Variants in TBC1D5 observed in about 807,000 individuals in gnomAD.
TBC1D5 encodes the protein TBC1 domain family, member 5.
TBC1D5 carries 75 observed loss-of-function variants against 100.3 expected under a neutral mutation model. The observed-to-expected ratio is 0.75, with a 90% CI of 0.62 to 0.91. TBC1D5 has a LOEUF of 0.91. Ranked by LOEUF, TBC1D5 falls within the 40% of genes least tolerant of loss-of-function variation. The pLI is 0.00. For missense variants in TBC1D5, 910 were observed against 942.4 expected (o/e 0.97, Z 0.45); for synonymous variants, 323 against 325.6 (o/e 0.99, Z 0.09).
At chr3:17,178,231 A>G (rs1256849961) in intron 19 of TBC1D5, among the ~76,000 whole-genome samples, 1 of 151,746 alleles carries the variant, frequency 6.6e-6, no homozygotes, top group Non-Finnish European at 1.5e-5. Context: ...ACGCCTGGCT[A>G]ATTTTTTGTA....
intron 1 of TBC1D5, among the ~76,000 whole-genome samples, chr3:17,642,359 T>C (rs966245887): frequency 5.3e-5 from 8 of 152,138 alleles, no homozygotes; most frequent in Non-Finnish European, 1.0e-4. Context: ...ATGTGATCTT[T>C]ACAAACCATA....
chr3:17,728,430 CA>C (rs2076293928), intron 1 of TBC1D5, among the ~76,000 whole-genome samples: 1 of 151,358 alleles, frequency 6.6e-6, no homozygotes, highest in African/African-American at 2.4e-5. Context: ...TGAGACCAAC[CA>C]AAAAAAATTC....
At chr3:17,540,466 G>A (rs1031294126) in intron 2 of TBC1D5, among the ~76,000 whole-genome samples, 2 of 152,048 alleles carry the variant, frequency 1.3e-5, no homozygotes, top group South Asian at 4.1e-4. Flanking sequence ...TTACATTTAT[G>A]TCTTTGGTCC....
At chr3:17,726,774 C>G (rs1255025857) in intron 1 of TBC1D5, among the ~76,000 whole-genome samples, 1 of 152,144 alleles carries the variant, frequency 6.6e-6, no homozygotes, top group African/African-American at 2.4e-5. Context: ...CAGAAAATTA[C>G]TTTGTCTATG....
intron 14 of TBC1D5, among the ~76,000 whole-genome samples, chr3:17,304,699 C>A (rs900871451): frequency 3.3e-5 from 5 of 152,184 alleles, no homozygotes; most frequent in Admixed American, 3.3e-4. Context: ...AGCCACCATG[C>A]TTGGCTTTTT....
intron 9 of TBC1D5, among the ~76,000 whole-genome samples, chr3:17,379,636 T>C (rs1488485722): frequency 6.6e-6 from 1 of 152,052 alleles, no homozygotes; most frequent in Non-Finnish European, 1.5e-5. Context: ...GACTATACAA[T>C]AGTCCCTCAT....
chr3:17,443,775 A>G (rs1249530039), intron 3 of TBC1D5, among the ~76,000 whole-genome samples: 2 of 152,200 alleles, frequency 1.3e-5, no homozygotes, highest in Non-Finnish European at 2.9e-5. Context: ...GAAATTTTAA[A>G]AATTCATAGA....
chr3:17,643,495 C>T (rs1386380586), intron 1 of TBC1D5, among the ~76,000 whole-genome samples: 3 of 152,062 alleles, frequency 2.0e-5, no homozygotes, highest in East Asian at 1.9e-4. Flanking sequence ...ATTAATGAGT[C>T]TTGCCTGCAA....
At chr3:17,287,861 C>T (rs1429916091) in intron 15 of TBC1D5, among the ~76,000 whole-genome samples, 3 of 152,188 alleles carry the variant, frequency 2.0e-5, no homozygotes, top group Non-Finnish European at 4.4e-5. Flanking sequence ...AATGAACCTA[C>T]TAAGGCTCAG....
intron 18 of TBC1D5, among the ~76,000 whole-genome samples, chr3:17,213,733 C>CAAAAAA (rs71632897): frequency 1.6e-5 from 1 of 61,050 alleles, no homozygotes; most frequent in African/African-American, 5.9e-5. Flanking sequence ...GACTCTGTCT[C>CAAAAAA]AAAAAAAAAA....
intron 4 of TBC1D5, among the ~76,000 whole-genome samples, chr3:17,407,487 A>C (rs181623834): frequency 6.6e-6 from 1 of 152,298 alleles, no homozygotes. Flanking sequence ...CAATATCTTA[A>C]GAGAGATTTC....
intron 3 of TBC1D5, among the ~76,000 whole-genome samples, chr3:17,480,343 G>C (rs539310362): frequency 9.2e-5 from 14 of 152,248 alleles, no homozygotes; most frequent in Non-Finnish European, 7.4e-5. Flanking sequence ...GTGAAGCCCC[G>C]CCTTAAAGCC....
chr3:17,352,656 T>C (rs948754149), intron 13 of TBC1D5, among the ~76,000 whole-genome samples: 4 of 126,916 alleles, frequency 3.2e-5, no homozygotes, highest in African/African-American at 1.2e-4. Flanking sequence ...TAAAGAACCA[T>C]CTCTAACTAC....
At chr3:17,201,678 C>T (rs1158252855) in intron 18 of TBC1D5, among the ~76,000 whole-genome samples, 1 of 152,084 alleles carries the variant, frequency 6.6e-6, no homozygotes, top group Non-Finnish European at 1.5e-5. Context: ...GATGGGTTCT[C>T]ATGAAATTTG....
At chr3:17,679,254 C>T (rs986448984) in intron 1 of TBC1D5, among the ~76,000 whole-genome samples, 1 of 151,174 alleles carries the variant, frequency 6.6e-6, no homozygotes, top group East Asian at 1.9e-4. Context: ...AGACCACACC[C>T]TCCTAAAACA....
chr3:17,628,198 T>A (rs1577099503), intron 1 of TBC1D5, among the ~76,000 whole-genome samples: 1 of 151,722 alleles, frequency 6.6e-6, no homozygotes, highest in African/African-American at 2.4e-5. Context: ...GCGAAACCCC[T>A]TCTCTACTAA....
intron 1 of TBC1D5, among the ~76,000 whole-genome samples, chr3:17,719,588 T>C (rs1232647551): frequency 6.6e-6 from 1 of 152,202 alleles, no homozygotes; most frequent in African/African-American, 2.4e-5. Flanking sequence ...GAATAAACTC[T>C]ACTTAACAAA....
At chr3:17,406,467 C>A in exon 5 of TBC1D5, 1 of 1,611,402 alleles carries the variant, frequency 6.2e-7, no homozygotes, top group African/African-American at 1.3e-5. Context: ...CCCATTAATC[C>A]CCTTCTGCCT....
At chr3:17,283,921 C>T (rs2080875272) in intron 15 of TBC1D5, among the ~76,000 whole-genome samples, 3 of 152,062 alleles carry the variant, frequency 2.0e-5, no homozygotes, top group Non-Finnish European at 4.4e-5. Context: ...CGAGCTTTTG[C>T]ATTTGCTATT....
Sources: gnomAD v4.1 joint callset for allele counts (sites outside exome capture counted in the v4.1 genomes callset) on GRCh38, gnomAD v4.1.1 for gene constraint, MANE v1.5 for transcripts, NCBI Gene and HGNC (gene_info 2026-07-23, HGNC 2026-07-21) for gene names.